The following PTPRD variants were observed in gnomAD, a reference collection of about 807,000 sequenced individuals.
PTPRD encodes protein tyrosine phosphatase receptor type D.
PTPRD carries 34 observed loss-of-function variants against 214.5 expected under a neutral mutation model. The observed-to-expected ratio is 0.16, with a 90% CI of 0.12 to 0.21. The LOEUF (loss-of-function observed/expected upper bound fraction) is 0.21. Ranked by LOEUF, PTPRD falls within the 10% of genes least tolerant of loss-of-function variation. The pLI is 1.00. For missense variants in PTPRD, 2,545 were observed against 2,398.7 expected (o/e 1.06, Z -1.27); for synonymous variants, 1,128 against 845.7 (o/e 1.33, Z -5.79).
intron 11 of PTPRD, among the ~76,000 whole-genome samples, chr9:8,741,558 A>T (rs2091923572): frequency 7.6e-6 from 1 of 131,606 alleles, no homozygotes. Flanking sequence ...TTTTAATCTC[A>T]GGCATTTCTT....
chr9:8,833,700 C>CTATA (rs548684582), intron 11 of PTPRD, among the ~76,000 whole-genome samples: 10 of 139,068 alleles, frequency 7.2e-5, no homozygotes, highest in South Asian at 4.6e-4. Context: ...CTCTCTCTCT[C>CTATA]TATATATATA....
chr9:10,432,942 A>G (rs564323051), intron 2 of PTPRD, among the ~76,000 whole-genome samples: 1 of 151,798 alleles, frequency 6.6e-6, no homozygotes, highest in Admixed American at 6.6e-5. Context: ...TTGCTATCAC[A>G]TTTGCCTTCC....
intron 9 of PTPRD, among the ~76,000 whole-genome samples, chr9:9,225,054 A>G (rs575651906): frequency 6.6e-6 from 1 of 152,142 alleles, no homozygotes; most frequent in South Asian, 2.1e-4. Flanking sequence ...TCAAATCCAT[A>G]GGGAATAATT....
chr9:9,851,915 A>G (rs1171781391), intron 5 of PTPRD, among the ~76,000 whole-genome samples: 4 of 152,238 alleles, frequency 2.6e-5, no homozygotes, highest in Non-Finnish European at 5.9e-5. Context: ...AAAAGAAATC[A>G]CAAAGTCTAT....
intron 2 of PTPRD, among the ~76,000 whole-genome samples, chr9:10,383,547 C>T (rs889011737): frequency 6.6e-6 from 1 of 151,824 alleles, no homozygotes; most frequent in African/African-American, 2.4e-5. Context: ...TTGACATCTT[C>T]AGCTGTTCTT....
In PTPRD at chr9:9,861,547, C is replaced by T. The variant is rs149150742; in HGVS notation, c.-368+76960G>A. ...CCTCGTGATCCGCCCACCTCGGCCT[C>T]TCAAAGTGCTGGATTACTGGCGTGA... On this transcript the variant is annotated intron_variant, in intron 5 of 45. Transcript: ENST00000381196. Among the ~76,000 whole-genome samples, 1,475 of 152,328 alleles carry T rather than the reference C, an allele frequency of 9.7e-3. 14 individuals are homozygous for T. The highest frequency in any genetic ancestry group is 0.013 in the Non-Finnish European group (875 of 68,036).
At chr9:8,841,708 G>T (rs537244946) in intron 11 of PTPRD, among the ~76,000 whole-genome samples, 1 of 34,540 alleles carries the variant, frequency 2.9e-5, no homozygotes, top group African/African-American at 2.7e-4. Context: ...TCTCAGAAGT[G>T]ACTTAAAAAA....
intron 10 of PTPRD, among the ~76,000 whole-genome samples, chr9:9,127,634 C>G (rs1321840246): frequency 3.9e-5 from 6 of 152,142 alleles, no homozygotes; most frequent in African/African-American, 1.4e-4. Context: ...GTCTATACCA[C>G]ATTCAGATAT....
At chr9:10,529,421 G>A (rs1439822095) in intron 2 of PTPRD, among the ~76,000 whole-genome samples, 1 of 152,084 alleles carries the variant, frequency 6.6e-6, no homozygotes, top group Non-Finnish European at 1.5e-5. Context: ...TTTTTGCAGG[G>A]ACATGGATAA....
intron 10 of PTPRD, among the ~76,000 whole-genome samples, chr9:9,082,013 G>A (rs2099759894): frequency 6.6e-6 from 1 of 151,988 alleles, no homozygotes. Context: ...CAGATTCACA[G>A]CCAAATTCTA....
intron 2 of PTPRD, among the ~76,000 whole-genome samples, chr9:10,450,281 TAAAA>T (rs1267248598): frequency 6.6e-6 from 1 of 150,740 alleles, no homozygotes; most frequent in Non-Finnish European, 1.5e-5. Context: ...TAAATAAAAA[TAAAA>T]AACAAAAAAA....
intron 10 of PTPRD, among the ~76,000 whole-genome samples, chr9:9,094,375 T>C (rs1007949612): frequency 6.6e-6 from 1 of 152,110 alleles, no homozygotes; most frequent in African/African-American, 2.4e-5. Context: ...TGCAGCAGCT[T>C]GGATGGAGCT....
At chr9:9,722,192 C>A (rs1564769899) in intron 7 of PTPRD, among the ~76,000 whole-genome samples, 1 of 151,976 alleles carries the variant, frequency 6.6e-6, no homozygotes, top group African/African-American at 2.4e-5. Flanking sequence ...AATTTTAGAA[C>A]ATTTTTTAAA....
At chr9:9,208,355 C>T (rs2099946344) in intron 9 of PTPRD, among the ~76,000 whole-genome samples, 1 of 151,800 alleles carries the variant, frequency 6.6e-6, no homozygotes, top group Non-Finnish European at 1.5e-5. Context: ...GAGGACAAAC[C>T]ATAAATCTGG....
At chr9:9,848,277 C>T (rs1448447423) in intron 5 of PTPRD, among the ~76,000 whole-genome samples, 1 of 152,112 alleles carries the variant, frequency 6.6e-6, no homozygotes, top group African/African-American at 2.4e-5. Flanking sequence ...TATATCAACA[C>T]ATGTCCCCTT....
At chr9:8,613,010 T>C (rs1167139508) in intron 14 of PTPRD, among the ~76,000 whole-genome samples, 3 of 152,188 alleles carry the variant, frequency 2.0e-5, no homozygotes, top group Non-Finnish European at 4.4e-5. Flanking sequence ...CACCAGTAGT[T>C]AGTACTTTCA....
intron 7 of PTPRD, among the ~76,000 whole-genome samples, chr9:9,645,744 C>A (rs1302676344): frequency 6.6e-6 from 1 of 151,960 alleles, no homozygotes; most frequent in Non-Finnish European, 1.5e-5. Context: ...TCCTGTATAA[C>A]CTTTTAGCTT....
chr9:8,661,742 G>A (rs2097058761), intron 12 of PTPRD, among the ~76,000 whole-genome samples: 1 of 151,350 alleles, frequency 6.6e-6, no homozygotes, highest in Admixed American at 6.6e-5. Context: ...CTGTGTTTGT[G>A]TTTTATTTCT....
At chr9:9,047,343 G>A (rs1319302086) in intron 10 of PTPRD, among the ~76,000 whole-genome samples, 1 of 151,980 alleles carries the variant, frequency 6.6e-6, no homozygotes, top group Non-Finnish European at 1.5e-5. Flanking sequence ...GCAATCTATA[G>A]ATTCAATGCA....
Sources: gnomAD v4.1 joint callset for allele counts (sites outside exome capture counted in the v4.1 genomes callset) on GRCh38, gnomAD v4.1.1 for gene constraint, MANE v1.5 for transcripts, NCBI Gene and HGNC (gene_info 2026-07-23, HGNC 2026-07-21) for gene names.